PRKCA: variants seen among roughly 807,000 people sequenced by gnomAD.
PRKCA encodes the protein protein kinase C alpha type.
PRKCA carries 27 observed loss-of-function variants against 87.0 expected under a neutral mutation model. That is an observed-to-expected ratio of 0.31 (90% CI 0.23 to 0.43). The LOEUF (loss-of-function observed/expected upper bound fraction) is 0.43, where lower values mean the gene tolerates loss of function less well. Ranked by LOEUF, PRKCA falls within the 20% of genes least tolerant of loss-of-function variation. The pLI is 1.00. For missense variants in PRKCA, 518 were observed against 852.3 expected (o/e 0.61, Z 4.88); for synonymous variants, 329 against 311.1 (o/e 1.06, Z -0.61).
chr17:66,629,152 C>T (rs1279679657), intron 3 of PRKCA, among the ~76,000 whole-genome samples: 2 of 152,140 alleles, frequency 1.3e-5, no homozygotes, highest in East Asian at 1.9e-4. Flanking sequence ...AGAGACAGTC[C>T]TGCCGATTTG....
intron 8 of PRKCA, among the ~76,000 whole-genome samples, chr17:66,717,214 C>T (rs1477106722): frequency 6.6e-6 from 1 of 152,194 alleles, no homozygotes; most frequent in African/African-American, 2.4e-5. Flanking sequence ...ACAGCCCAGA[C>T]CCCAGCGGCT....
At chr17:66,332,709 T>TC (rs398031353) in intron 2 of PRKCA, among the ~76,000 whole-genome samples, 1 of 151,400 alleles carries the variant, frequency 6.6e-6, no homozygotes, top group East Asian at 1.9e-4. Flanking sequence ...TTTTTTTTTT[T>TC]GAGATGGAGT....
At chr17:66,463,283 T>C (rs1914937198) in intron 2 of PRKCA, among the ~76,000 whole-genome samples, 2 of 152,136 alleles carry the variant, frequency 1.3e-5, no homozygotes, top group Admixed American at 1.3e-4. Flanking sequence ...ACTTGAACTA[T>C]GTGAGTTAAG....
At chr17:66,524,482 A>G (rs1431643001) in intron 3 of PRKCA, among the ~76,000 whole-genome samples, 1 of 152,302 alleles carries the variant, frequency 6.6e-6, no homozygotes, top group Middle Eastern at 3.4e-3. Flanking sequence ...CCTGACTTAT[A>G]AACAGTTGAC....
chr17:66,329,680 G>A (rs1567774374), intron 2 of PRKCA, among the ~76,000 whole-genome samples: 1 of 152,278 alleles, frequency 6.6e-6, no homozygotes, highest in East Asian at 1.9e-4. Context: ...ACTGCCATAG[G>A]TAGGACAAGG....
chr17:66,377,397 G>A (rs1055814200), intron 2 of PRKCA, among the ~76,000 whole-genome samples: 16 of 151,760 alleles, frequency 1.1e-4, no homozygotes, highest in African/African-American at 3.4e-4. Context: ...CAAGAAACAG[G>A]AATTTACTTG....
intron 3 of PRKCA, among the ~76,000 whole-genome samples, chr17:66,560,208 C>T (rs1968636275): frequency 6.6e-6 from 1 of 151,152 alleles, no homozygotes; most frequent in Admixed American, 6.6e-5. Context: ...ATTTCACGTG[C>T]TGAGGAGAGT....
At chr17:66,495,408 G>C (rs1353036282) in intron 2 of PRKCA, among the ~76,000 whole-genome samples, 1 of 151,850 alleles carries the variant, frequency 6.6e-6, no homozygotes, top group East Asian at 1.9e-4. Context: ...CCACATTTAG[G>C]GATACTCACA....
intron 2 of PRKCA, among the ~76,000 whole-genome samples, chr17:66,381,003 C>T (rs1598627501): frequency 6.6e-6 from 1 of 151,500 alleles, no homozygotes; most frequent in East Asian, 1.9e-4. Context: ...ACAGTGGCAC[C>T]ATCATAGCTC....
intron 5 of PRKCA, among the ~76,000 whole-genome samples, chr17:66,653,420 C>T (rs1043725625): frequency 4.5e-5 from 6 of 131,970 alleles, no homozygotes; most frequent in Non-Finnish European, 1.0e-4. Context: ...AGGGCAAGAC[C>T]TCGTCTACAC....
chr17:66,523,020 A>G (rs1967221685), intron 3 of PRKCA, among the ~76,000 whole-genome samples: 1 of 152,112 alleles, frequency 6.6e-6, no homozygotes, highest in African/African-American at 2.4e-5. Context: ...GTATCCAGAG[A>G]TGGCCAGGGA....
chr17:66,760,182 T>C (rs570862028), intron 13 of PRKCA, among the ~76,000 whole-genome samples: 1 of 152,198 alleles, frequency 6.6e-6, no homozygotes, highest in East Asian at 1.9e-4. Context: ...CTTAACAAAC[T>C]GAAAATAATA....
intron 8 of PRKCA, among the ~76,000 whole-genome samples, chr17:66,720,747 T>C (rs1352726530): frequency 6.6e-6 from 1 of 152,206 alleles, no homozygotes; most frequent in Non-Finnish European, 1.5e-5. Flanking sequence ...GTACAAAAAA[T>C]GGTAGGAGAA....
intron 8 of PRKCA, among the ~76,000 whole-genome samples, chr17:66,697,312 A>G (rs147674943): frequency 7.2e-4 from 109 of 152,354 alleles, no homozygotes; most frequent in Admixed American, 1.6e-3. Context: ...AGCTTTCACC[A>G]TCATTCCCCT....
rs548325033 is a variant in PRKCA, at chr17:66,736,293, T to C, written c.1230+631T>C. On this transcript the variant is annotated intron_variant, in intron 10 of 16. Coordinates refer to ENST00000413366, the MANE Select transcript of PRKCA (RefSeq NM_002737.3). Reference sequence around the variant, plus strand: ...AAACTCACAGTCTTGGCTTTTTTTTTTTGAGACGGAGTCACTCTCTCTTCC... The same window carrying C: ...AAACTCACAGTCTTGGCTTTTTTTTCTTGAGACGGAGTCACTCTCTCTTCC... Among the ~76,000 whole-genome samples, 27 of 151,692 alleles carry C rather than the reference T, an allele frequency of 1.8e-4. No individual in the cohort carries two copies. The South Asian group carries it at 5.7e-3, about 32-fold the overall frequency.
chr17:66,399,101 T>TTTTA, intron 2 of PRKCA, among the ~76,000 whole-genome samples: 1 of 63,892 alleles, frequency 1.6e-5, no homozygotes, highest in East Asian at 5.4e-4. Context: ...TTTTCTTTTC[T>TTTTA]TTTTTTTTTT....
intron 16 of PRKCA, among the ~76,000 whole-genome samples, chr17:66,802,804 C>G (rs115958070): frequency 0.016 from 2,444 of 152,284 alleles, 67 homozygotes; most frequent in African/African-American, 0.056. Context: ...TGTTAGAGAC[C>G]CAAGGATGCC....
intron 8 of PRKCA, among the ~76,000 whole-genome samples, chr17:66,720,213 G>T (rs1206427243): frequency 6.6e-6 from 1 of 152,242 alleles, no homozygotes. Flanking sequence ...CCTTTGAGCA[G>T]AGATAGAAGG....
At chr17:66,625,266 A>G (rs16959756) in intron 3 of PRKCA, among the ~76,000 whole-genome samples, 22,437 of 152,268 alleles carry the variant, frequency 0.15, 1,962 homozygotes, top group East Asian at 0.29. Flanking sequence ...CATGTAGCAT[A>G]GAAACTGAGT....
Sources: gnomAD v4.1 joint callset for allele counts (sites outside exome capture counted in the v4.1 genomes callset) on GRCh38, gnomAD v4.1.1 for gene constraint, MANE v1.5 for transcripts, NCBI Gene and HGNC (gene_info 2026-07-23, HGNC 2026-07-21) for gene names.